Variants in ERICH1 observed in about 807,000 individuals in gnomAD.
The protein encoded by ERICH1 is glutamate rich 1.
In ERICH1, 56 loss-of-function variants were observed where a neutral mutation model predicts 39.6. The observed-to-expected ratio is 1.41, with a 90% CI of 1.14 to 1.77. The LOEUF (loss-of-function observed/expected upper bound fraction) is 1.77, where lower values mean the gene tolerates loss of function less well. ERICH1 is among the 40% of genes most tolerant of loss of function. The pLI, the probability that ERICH1 is intolerant of heterozygous loss-of-function variation, is 0.00. For synonymous variants in ERICH1, 313 were observed against 223.6 expected (o/e 1.40, Z -3.57); for missense variants, 826 against 575.4 (o/e 1.44, Z -4.45).
chr8:678,706 G>C (rs1805409625), intron 3 of ERICH1, among the ~76,000 whole-genome samples: 1 of 152,166 alleles, frequency 6.6e-6, no homozygotes, highest in African/African-American at 2.4e-5. Flanking sequence ...TACTCCGGAG[G>C]CTGAGGCAGA....
At chr8:705,142 T>C (rs7004577) in intron 2 of ERICH1, among the ~76,000 whole-genome samples, 54,261 of 152,140 alleles carry the variant, frequency 0.36, 9,820 homozygotes, top group East Asian at 0.48. Flanking sequence ...GGCTAAATCA[T>C]TGCCATAATT....
intron 2 of ERICH1, among the ~76,000 whole-genome samples, chr8:706,279 C>CA (rs564460609): frequency 6.6e-6 from 1 of 152,176 alleles, no homozygotes; most frequent in Non-Finnish European, 1.5e-5. Flanking sequence ...ACTAGTTAGG[C>CA]AAAACCGCAG....
chr8:630,007 C>G (rs1167694416), intron 3 of ERICH1, among the ~76,000 whole-genome samples: 4 of 134,200 alleles, frequency 3.0e-5, no homozygotes, highest in Admixed American at 7.3e-5. Context: ...TGAGCACCCA[C>G]ACAGACAAAG....
intron 2 of ERICH1, among the ~76,000 whole-genome samples, chr8:700,607 CCA>C (rs1477338013): frequency 6.6e-6 from 1 of 152,086 alleles, no homozygotes; most frequent in East Asian, 1.9e-4. Flanking sequence ...CCTGACAGCT[CCA>C]GTCAGTCCTC....
intron 1 of ERICH1, among the ~76,000 whole-genome samples, chr8:722,275 G>T (rs1259669203): frequency 1.3e-5 from 2 of 150,938 alleles, no homozygotes; most frequent in African/African-American, 4.9e-5. Context: ...AGCAGGCCAA[G>T]CAATCAGCAC....
intron 2 of ERICH1, among the ~76,000 whole-genome samples, chr8:706,133 C>T (rs1813224392): frequency 6.6e-6 from 1 of 152,204 alleles, no homozygotes; most frequent in Non-Finnish European, 1.5e-5. Context: ...GCAGCTGGAT[C>T]CACTGTCTAG....
intron 3 of ERICH1, among the ~76,000 whole-genome samples, chr8:619,968 T>C (rs1415365742): frequency 6.6e-6 from 1 of 152,126 alleles, no homozygotes; most frequent in Non-Finnish European, 1.5e-5. Context: ...AAATAGCCAC[T>C]TAATATGAAA....
chr8:661,834 C>T (rs1394502569), downstream of ERICH1, among the ~76,000 whole-genome samples: 1 of 152,232 alleles, frequency 6.6e-6, no homozygotes, highest in African/African-American at 2.4e-5. Flanking sequence ...CAGAAGGTTT[C>T]GCAAAGTAAA....
intron 3 of ERICH1, among the ~76,000 whole-genome samples, chr8:623,675 T>A (rs751807112): frequency 2.0e-5 from 3 of 152,182 alleles, no homozygotes; most frequent in African/African-American, 7.2e-5. Flanking sequence ...AAATAAATGA[T>A]GCTGGAACAA....
At chr8:649,683 T>C (rs1013044630) in intron 3 of ERICH1, among the ~76,000 whole-genome samples, 57 of 152,052 alleles carry the variant, frequency 3.7e-4, no homozygotes, top group Non-Finnish European at 7.6e-4. Context: ...AAGCACTGCC[T>C]CCAGGAGGCA....
chr8:668,996 C>A (rs1802743273), intron 4 of ERICH1: 1 of 584,628 alleles, frequency 1.7e-6, no homozygotes. Flanking sequence ...GGAAACCTGG[C>A]CCGTCTACAC....
rs1811693601 is a variant in ERICH1 at position 700,317 on chromosome 8, AC to A, written c.170-7706del. Among the ~76,000 whole-genome samples the A allele has an allele frequency of 4.6e-4, 48 of 104,156 alleles. 21 individuals are homozygous for A. Among genetic ancestry groups the A allele is most frequent in the Non-Finnish European group, 8.3e-4 (39 of 47,192 alleles). The allele number at this position is 104,156 out of a possible 152,430, so 68.3% of individuals were successfully genotyped here. A position where few individuals can be genotyped will look rare whatever the true frequency, so the allele number is the denominator to read the frequency against. On this transcript the variant is annotated intron_variant, in intron 2 of 5. Coordinates refer to ENST00000262109, the MANE Select transcript of ERICH1 (RefSeq NM_207332.3). ...CCCGGACACGCGCACAGACCCGCAC[AC>A]GCGCACAGGCCCGCACACGCGCACA...
At chr8:623,075 G>C (rs1193283804) in intron 3 of ERICH1, among the ~76,000 whole-genome samples, 5 of 152,034 alleles carry the variant, frequency 3.3e-5, no homozygotes, top group Admixed American at 2.6e-4. Context: ...TCATTTTATA[G>C]AACAGTATGA....
At chr8:679,666 C>T (rs1239494698) in intron 3 of ERICH1, among the ~76,000 whole-genome samples, 2 of 152,326 alleles carry the variant, frequency 1.3e-5, no homozygotes, top group African/African-American at 2.4e-5. Context: ...AATCGGATAC[C>T]GGATACCTAC....
chr8:673,814 C>T lies in ERICH1; in HGVS notation c.538G>A (p.Ala180Thr), dbSNP rs1408270466. 6.2e-7 allele frequency: 1 copy of T among 1,614,046 alleles called. No individual in the cohort carries two copies. Among genetic ancestry groups the T allele is most frequent in the African/African-American group, 1.3e-5 (1 of 74,952 alleles). Residue 180 changes from alanine to threonine, a missense_variant, in exon 4 of 6, where the codon GCA becomes ACA. Coordinates refer to ENST00000262109, the MANE Select transcript of ERICH1 (RefSeq NM_207332.3). ...QIKRKKAAGL[A>T]AKAAGVSFMY... ...AAACTGACACCAGCAGCCTTTGCTG[C>T]CAAGCCGGCTGCTTTCTTCCTTTTA...
chr8:627,283 G>C (rs867203265), intron 3 of ERICH1: 1 of 453,324 alleles, frequency 2.2e-6, no homozygotes, highest in African/African-American at 2.0e-5. Flanking sequence ...GATTGAAAAG[G>C]GGTGTATAAC....
chr8:656,051 C>T (rs774844046), intron 3 of ERICH1, among the ~76,000 whole-genome samples: 1 of 152,116 alleles, frequency 6.6e-6, no homozygotes, highest in Non-Finnish European at 1.5e-5. Context: ...GGCCTCAAGA[C>T]TTCCCCAAAT....
rs1019968534 is a variant in ERICH1, at chr8:617,929, C to T, written c.977-2645G>A. 4.8e-5 allele frequency among the ~76,000 whole-genome samples: 7 copies of T among 144,998 alleles called. No individual in the cohort carries two copies. In the East Asian group the frequency reaches 8.4e-4, roughly 17 times the overall value. On this transcript the variant is annotated intron_variant, in intron 3 of 3. Transcript: ENST00000522706. ...GGTCCATCTCACTGCCCTCTGAGTG[C>T]TCGGTACTTGGTCCATTCTCACTGC... is the stretch of plus-strand genomic sequence containing the variant.
At chr8:671,620 T>C (rs1803427297) in intron 4 of ERICH1, among the ~76,000 whole-genome samples, 1 of 150,162 alleles carries the variant, frequency 6.7e-6, no homozygotes, top group Non-Finnish European at 1.5e-5. Context: ...CTCCGACCAC[T>C]GAGCGCACTG....
Sources: allele counts gnomAD v4.1 joint callset (sites outside exome capture counted in the v4.1 genomes callset), GRCh38; gene constraint gnomAD v4.1.1; transcripts MANE v1.5; gene names NCBI Gene and HGNC (gene_info 2026-07-23, HGNC 2026-07-21).